Variants in GNAO1 observed in about 807,000 individuals in gnomAD.
GNAO1 encodes the protein guanine nucleotide-binding protein G(o) subunit alpha.
For missense variants in GNAO1, 166 were observed against 478.7 expected, an observed-to-expected ratio of 0.35 and a Z score of 6.10; for synonymous variants, 164 against 180.7, an observed-to-expected ratio of 0.91 and a Z score of 0.74.
chr16:56,314,359 G>A (rs1034527075), intron 3 of GNAO1, among the ~76,000 whole-genome samples: 2 of 152,142 alleles, frequency 1.3e-5, no homozygotes, highest in African/African-American at 2.4e-5. Context: ...ACTGCTTGCC[G>A]CTCAGGCTTT....
chr16:56,258,524 A>G (rs1170641438), intron 2 of GNAO1, among the ~76,000 whole-genome samples: 1 of 152,188 alleles, frequency 6.6e-6, no homozygotes, highest in East Asian at 1.9e-4. Flanking sequence ...CCAGAGCAGA[A>G]AACCCCTTGC....
intron 2 of GNAO1, among the ~76,000 whole-genome samples, chr16:56,217,955 G>A (rs1185490501): frequency 6.6e-6 from 1 of 152,220 alleles, no homozygotes; most frequent in Non-Finnish European, 1.5e-5. Context: ...GACAGAGAAT[G>A]TGCTGTGTAT....
intron 2 of GNAO1, chr16:56,270,383 T>A (rs2037004807): frequency 6.6e-6 from 1 of 152,014 alleles, no homozygotes. Flanking sequence ...ATACCCTGGC[T>A]TTGCAGTCAT....
rs1281264561 is a variant in GNAO1, at chr16:56,326,681, G to T, written c.304-1950G>T. ...GGAGGGCAAGGAAGCCGGGTTATTTGCCCATTCCTGTCTGTCCGGGGCACC... is the reference window on the plus strand; with the variant it reads ...GGAGGGCAAGGAAGCCGGGTTATTTTCCCATTCCTGTCTGTCCGGGGCACC... On this transcript the variant is annotated intron_variant, in intron 3 of 8. Coordinates refer to ENST00000262493, the MANE Select transcript of GNAO1 (RefSeq NM_020988.3). The surrounding 1 kb of genome is among the most constrained non-coding windows in gnomAD (Gnocchi z 4.8). Among the ~76,000 whole-genome samples, 1 of 152,204 alleles carries T rather than the reference G, an allele frequency of 6.6e-6. No individual in the cohort carries two copies. The highest frequency in any genetic ancestry group is 1.5e-5 in the Non-Finnish European group (1 of 68,022).
intron 3 of GNAO1, among the ~76,000 whole-genome samples, chr16:56,286,360 A>ATTTT (rs2037167405): frequency 9.2e-5 from 14 of 152,310 alleles, no homozygotes; most frequent in African/African-American, 3.4e-4. Context: ...CCACACTGGC[A>ATTTT]AACTGGCTTA....
intron 2 of GNAO1, among the ~76,000 whole-genome samples, chr16:56,221,090 C>T (rs1428263680): frequency 6.6e-6 from 1 of 152,092 alleles, no homozygotes; most frequent in Non-Finnish European, 1.5e-5. Context: ...GCAAGTTCAC[C>T]CCTTCCATGC....
chr16:56,347,892 C>G, intron 6 of GNAO1: 4 of 963,516 alleles, frequency 4.2e-6, no homozygotes, highest in Non-Finnish European at 4.9e-6. Context: ...TCTGACCCAT[C>G]CCCTGGCTCT....
chr16:56,245,452 T>A (rs1184756755), intron 2 of GNAO1: 1 of 154,840 alleles, frequency 6.5e-6, no homozygotes, highest in Non-Finnish European at 1.5e-5. Context: ...GTCCACTGAC[T>A]CATTCATTAA....
chr16:56,236,055 A>C (rs1345908024), intron 2 of GNAO1, among the ~76,000 whole-genome samples: 1 of 152,180 alleles, frequency 6.6e-6, no homozygotes, highest in Non-Finnish European at 1.5e-5. Flanking sequence ...GTCTCCACTC[A>C]AGTTCAGGCA....
intron 6 of GNAO1, among the ~76,000 whole-genome samples, 169 bp downstream of exon 6, chr16:56,337,029 T>C (rs1374029993): frequency 6.6e-6 from 1 of 152,202 alleles, no homozygotes; most frequent in Non-Finnish European, 1.5e-5. Context: ...ACTCCACCAA[T>C]TCTGTATTGC....
chr16:56,335,003 AC>A, intron 5 of GNAO1, 146 bp downstream of exon 5: 1 of 777,912 alleles, frequency 1.3e-6, no homozygotes, highest in Non-Finnish European at 2.0e-6. Flanking sequence ...ACTAGAAGGA[AC>A]CTGTCTGTGT....
chr16:56,349,245 C>T (rs1300446104), intron 6 of GNAO1, among the ~76,000 whole-genome samples: 2 of 152,238 alleles, frequency 1.3e-5, no homozygotes, highest in East Asian at 1.9e-4. Flanking sequence ...AGTGGCTGCT[C>T]CTGGCAGTGC....
intron 2 of GNAO1, 94 bp downstream of exon 2, chr16:56,192,710 C>T (rs1413563625): frequency 2.6e-6 from 2 of 757,622 alleles, no homozygotes; most frequent in Non-Finnish European, 2.3e-6. Context: ...CTCTCCAGGC[C>T]TGTTTTTTAA....
chr16:56,347,445 C>T, intron 6 of GNAO1: 2 of 985,644 alleles, frequency 2.0e-6, no homozygotes, highest in African/African-American at 1.7e-5. Context: ...CCCCATCTCC[C>T]ACCCCTCAGC....
chr16:56,243,198 A>G (rs1221226378), intron 2 of GNAO1, among the ~76,000 whole-genome samples: 2 of 152,064 alleles, frequency 1.3e-5, no homozygotes, highest in Admixed American at 6.5e-5. Context: ...ATTTCATTAT[A>G]TATAGCAATG....
Position 56,210,506 on chromosome 16 carries a change from A to G in GNAO1, c.161+17890A>G, listed in dbSNP as rs186703608. ...AAACTGCCAAATTGTCTTCCAAAATATATAGATATATCATCTTGCATTTCT... is the reference window on the plus strand; with the variant it reads ...AAACTGCCAAATTGTCTTCCAAAATGTATAGATATATCATCTTGCATTTCT... On this transcript the variant is annotated intron_variant, in intron 2 of 8. Coordinates refer to ENST00000262493, the MANE Select transcript of GNAO1 (RefSeq NM_020988.3). 1.4e-3 allele frequency among the ~76,000 whole-genome samples: 215 copies of G among 152,376 alleles called. 1 individual carries two copies. The highest frequency in any genetic ancestry group is 5.0e-3 in the African/African-American group (206 of 41,596).
chr16:56,205,804 T>C (rs1331329801), intron 2 of GNAO1, among the ~76,000 whole-genome samples: 4 of 152,186 alleles, frequency 2.6e-5, no homozygotes, highest in African/African-American at 9.7e-5. Context: ...ACAGGAATAA[T>C]TGAAGGCAAA....
At chr16:56,356,001 C>T (rs545450398) in intron 8 of GNAO1, 102 bp from the exon 9 acceptor site, 3 of 152,346 alleles carry the variant, frequency 2.0e-5, no homozygotes, top group East Asian at 1.9e-4. Context: ...TCTCGCCCAA[C>T]CCCAGCAGTA....
At chr16:56,248,392 A>C (rs1403182396) in intron 2 of GNAO1, among the ~76,000 whole-genome samples, 4 of 152,216 alleles carry the variant, frequency 2.6e-5, no homozygotes, top group Non-Finnish European at 4.4e-5. Flanking sequence ...GTCCAAAGCC[A>C]TGTACTGAGA....
Sources: gnomAD v4.1 joint callset for allele counts (sites outside exome capture counted in the v4.1 genomes callset) on GRCh38, gnomAD v4.1.1 for gene constraint, Gnocchi (gnomAD v3.1) non-coding constraint, MANE v1.5 for transcripts, NCBI Gene and HGNC (gene_info 2026-07-23, HGNC 2026-07-21) for gene names.